THADA: variants seen among roughly 807,000 people sequenced by gnomAD.
The protein encoded by THADA is THADA armadillo repeat containing.
A neutral mutation model predicts 219.8 loss-of-function variants in THADA; 213 were observed. That is an observed-to-expected ratio of 0.97 (90% confidence interval 0.87 to 1.09). The LOEUF (loss-of-function observed/expected upper bound fraction) is 1.09, where lower values mean the gene tolerates loss of function less well. Among genes scored for constraint, THADA ranks in the 50% least tolerant of loss-of-function variants. The pLI is 0.00. For synonymous variants in THADA, 1,018 were observed against 828.9 expected (o/e 1.23, Z -3.92); for missense variants, 2,956 against 2,311.3 (o/e 1.28, Z -5.72).
Position 43,472,625 on chromosome 2 carries a change from T to C in THADA, c.3836+12609A>G, listed in dbSNP as rs187358375. Reference sequence around the variant, plus strand: ...AGTGACAATGTGTTTTTAGTACATATAACTTCATTTCCAAATACAGCCACC... The same window carrying C: ...AGTGACAATGTGTTTTTAGTACATACAACTTCATTTCCAAATACAGCCACC... On this transcript the variant is annotated intron_variant, in intron 26 of 37. Coordinates refer to ENST00000405975, the MANE Select transcript of THADA (RefSeq NM_022065.5). Among the ~76,000 whole-genome samples, 40 of 152,310 alleles carry C rather than the reference T, an allele frequency of 2.6e-4. 1 individual carries two copies. The highest frequency in any genetic ancestry group is 2.5e-3 in the Admixed American group (39 of 15,300).
In THADA at chr2:43,433,090, G is replaced by C. The variant is rs549908250; in HGVS notation, c.3837-2788C>G. On this transcript the variant is annotated intron_variant, in intron 26 of 37. Coordinates refer to ENST00000405975, the MANE Select transcript of THADA (RefSeq NM_022065.5). Reference sequence around the variant, plus strand: ...TTCCTCTAGAAGCTTTATGGTTTTAGCTTTTACATTGAGGTCTATGATCCA... The same window carrying C: ...TTCCTCTAGAAGCTTTATGGTTTTACCTTTTACATTGAGGTCTATGATCCA... Among the ~76,000 whole-genome samples, 11 of 152,120 alleles carry C rather than the reference G, an allele frequency of 7.2e-5. No homozygotes were observed. In the East Asian group the frequency reaches 2.1e-3, roughly 29 times the overall value.
intron 34 of THADA, among the ~76,000 whole-genome samples, chr2:43,288,280 T>C (rs773979250): frequency 1.1e-4 from 16 of 152,152 alleles, no homozygotes; most frequent in Non-Finnish European, 2.2e-4. Flanking sequence ...TAGCTGGACA[T>C]GGTGGCGCGT....
At chr2:43,541,419 C>T in intron 20 of THADA, 103 bp from the exon 21 acceptor site, 1 of 1,306,902 alleles carries the variant, frequency 7.7e-7, no homozygotes, top group South Asian at 1.3e-5. Flanking sequence ...TCTGCTTGAA[C>T]AAACCCGATT....
At position 43,430,215 on chromosome 2, in the gene THADA, G is replaced by C; in HGVS notation, c.3924C>G (p.Asp1308Glu). ...KQLETVANTV[D>E]SDMGEPNRHP... ...GCCCCACCCAATTCTCTTCTTACCT[G>C]TCTACTGTATTGGCTACAGTTTCCA... Residue 1308 changes from aspartate (D) to glutamate (E), a missense_variant and splice_region_variant, in exon 27 of 38, where the codon GAC becomes GAG. Physicochemically the swap from Asp to Glu is conservative, Grantham distance 45 (BLOSUM62 2). Transcript: ENST00000405975. 6.6e-7 allele frequency: 1 copy of C among 1,518,120 alleles called. No individual in the cohort carries two copies. The highest frequency in any genetic ancestry group is 1.3e-5 in the South Asian group (1 of 77,206). The allele number at this position is 1,518,120 out of a possible 1,614,324, so 94.0% of individuals were successfully genotyped here.
chr2:43,272,504 G>C (rs753058088), intron 36 of THADA, among the ~76,000 whole-genome samples: 13 of 152,112 alleles, frequency 8.5e-5, no homozygotes, highest in Non-Finnish European at 1.8e-4. Flanking sequence ...GTGAATGATT[G>C]AATACCCTTG....
At chr2:43,266,067 T>C (rs1671488414) in intron 36 of THADA, among the ~76,000 whole-genome samples, 1 of 151,892 alleles carries the variant, frequency 6.6e-6, no homozygotes, top group Non-Finnish European at 1.5e-5. Context: ...GAGGGGAATT[T>C]CATTTTCTGG....
intron 29 of THADA, among the ~76,000 whole-genome samples, chr2:43,395,051 G>T (rs998875289): frequency 3.3e-5 from 5 of 152,220 alleles, no homozygotes; most frequent in Non-Finnish European, 5.9e-5. Context: ...TTGCTGGGCA[G>T]ACTGGTGAAA....
At chr2:43,292,313 G>C (rs1270215266) in intron 32 of THADA, 91 bp from the exon 33 acceptor site, 1 of 824,538 alleles carries the variant, frequency 1.2e-6, no homozygotes, top group Non-Finnish European at 1.8e-6. Flanking sequence ...GTATCAACAA[G>C]AGGTCTACCT....
At chr2:43,293,255 T>C (rs1174321192) in intron 31 of THADA, 42 bp from the exon 32 acceptor site, 1 of 1,557,270 alleles carries the variant, frequency 6.4e-7, no homozygotes, top group African/African-American at 1.4e-5. Flanking sequence ...ATAATCACTT[T>C]AAATTTCCAC....
intron 4 of THADA, among the ~76,000 whole-genome samples, chr2:43,589,398 A>AT (rs1203267836): frequency 6.6e-6 from 1 of 152,230 alleles, no homozygotes; most frequent in Non-Finnish European, 1.5e-5. Context: ...TATTACACTA[A>AT]TATGAGGTAT....
At chr2:43,582,496 TA>T (rs564311180) in intron 7 of THADA, among the ~76,000 whole-genome samples, 414 of 128,074 alleles carry the variant, frequency 3.2e-3, no homozygotes, top group Middle Eastern at 4.2e-3. Context: ...GACACCATCT[TA>T]AAAAAAAAAA....
intron 26 of THADA, among the ~76,000 whole-genome samples, chr2:43,434,766 A>G: frequency 6.6e-6 from 1 of 152,208 alleles, no homozygotes. Flanking sequence ...CCTACGTGTG[A>G]TCAAATTCTT....
At chr2:43,540,106 G>T (rs904964752) in intron 21 of THADA, among the ~76,000 whole-genome samples, 1 of 152,240 alleles carries the variant, frequency 6.6e-6, no homozygotes, top group Non-Finnish European at 1.5e-5. Context: ...GTGAACATCA[G>T]TGAAGTAATC....
chr2:43,325,007 C>T (rs893892636), intron 30 of THADA, among the ~76,000 whole-genome samples: 8 of 152,186 alleles, frequency 5.3e-5, no homozygotes, highest in South Asian at 2.1e-4. Context: ...GAAGATGAAA[C>T]GAAGGCCCTG....
chr2:43,406,794 G>C (rs1174816109), intron 28 of THADA, among the ~76,000 whole-genome samples: 1 of 152,172 alleles, frequency 6.6e-6, no homozygotes, highest in African/African-American at 2.4e-5. Flanking sequence ...CTGGTCTACT[G>C]TTCTCCTCAT....
At chr2:43,360,369 T>TAACTCAAC (rs1669365194) in intron 29 of THADA, among the ~76,000 whole-genome samples, 1 of 152,246 alleles carries the variant, frequency 6.6e-6, no homozygotes, top group Admixed American at 6.5e-5. Context: ...AGGCAACAGT[T>TAACTCAAC]AACTCAACAG....
At position 43,395,697 on chromosome 2, in the gene THADA, T is replaced by C. The variant is rs146666829; in HGVS notation, c.4227+2274A>G. 1.1e-3 allele frequency among the ~76,000 whole-genome samples: 168 copies of C among 152,364 alleles called. 4 individuals carry two copies. The East Asian group carries it at 0.028, about 25-fold the overall frequency. The stretch of plus-strand genomic sequence containing the variant: ...AAGGTGTGTGATGATATCATTATAT[T>C]GATAACTAATGCAATATGTGCTTGG... On this transcript the variant is annotated intron_variant, in intron 29 of 37. Transcript: ENST00000405975.
chr2:43,542,576 G>T (rs547565878), intron 20 of THADA, among the ~76,000 whole-genome samples: 1 of 152,230 alleles, frequency 6.6e-6, no homozygotes, highest in Admixed American at 6.5e-5. Context: ...CAAACAAGAT[G>T]TAAGAACTCG....
At position 43,578,979 on chromosome 2, in the gene THADA, G is replaced by A. The variant is rs542875421; in HGVS notation, c.722-372C>T. Among the ~76,000 whole-genome samples, 24 of 152,184 alleles carry A rather than the reference G, an allele frequency of 1.6e-4. No individual in the cohort carries two copies. In the East Asian group the frequency reaches 2.5e-3, roughly 16 times the overall value. ...CCCAAGTAGCTGGGACTACAGGCGC[G>A]TGCCACCACACCCAGCTAATTTTTG... is the stretch of plus-strand genomic sequence containing the variant. On this transcript the variant is annotated intron_variant, in intron 8 of 37. Transcript: ENST00000405975.
Sources: allele counts gnomAD v4.1 joint callset (sites outside exome capture counted in the v4.1 genomes callset), GRCh38; gene constraint gnomAD v4.1.1; transcripts MANE v1.5; gene names NCBI Gene and HGNC (gene_info 2026-07-23, HGNC 2026-07-21).